Variants in PCCA observed in about 807,000 individuals in gnomAD.
PCCA encodes the protein propionyl-CoA carboxylase alpha chain, mitochondrial.
A neutral mutation model predicts 101.3 loss-of-function variants in PCCA; 74 were observed. The observed-to-expected ratio is 0.73, with a 90% CI of 0.61 to 0.89. PCCA has a LOEUF of 0.89. PCCA is among the 40% of genes least tolerant of loss of function. The pLI is 0.00. For synonymous variants in PCCA, 294 were observed against 313.6 expected (o/e 0.94, Z 0.66); for missense variants, 891 against 907.0 (o/e 0.98, Z 0.23).
At chr13:100,525,194 C>A (rs570139206) in intron 22 of PCCA, among the ~76,000 whole-genome samples, 1 of 152,154 alleles carries the variant, frequency 6.6e-6, no homozygotes, top group East Asian at 1.9e-4. Flanking sequence ...AAGATGGGAT[C>A]GCTTCAGTGG....
At chr13:100,092,936 A>G (rs1420163212) in intron 1 of PCCA, among the ~76,000 whole-genome samples, 3 of 152,240 alleles carry the variant, frequency 2.0e-5, no homozygotes, top group African/African-American at 7.2e-5. Context: ...AGACATTTAT[A>G]TATTTATACA....
rs533484464 is a variant in PCCA, at chr13:100,522,727, T to C, written c.2041-4948T>C. 2.6e-5 allele frequency among the ~76,000 whole-genome samples: 4 copies of C among 152,344 alleles called. No homozygotes were observed. The South Asian group carries it at 6.2e-4, about 24-fold the overall frequency. ...ACTCCCCGTCTGTTCCAAACAGACC[T>C]CAGCCCATTAGAAGGGCCTCCCTTG... On this transcript the variant is annotated intron_variant, in intron 22 of 23. Transcript: ENST00000376285.
At chr13:100,476,005 T>G (rs1450578156) in intron 21 of PCCA, among the ~76,000 whole-genome samples, 1 of 152,244 alleles carries the variant, frequency 6.6e-6, no homozygotes, top group Non-Finnish European at 1.5e-5. Flanking sequence ...ACATTTCAGT[T>G]AATATATATT....
chr13:100,153,365 T>C (rs2053563664), intron 4 of PCCA, among the ~76,000 whole-genome samples: 1 of 152,190 alleles, frequency 6.6e-6, no homozygotes, highest in Non-Finnish European at 1.5e-5. Flanking sequence ...TTAGAGGAGA[T>C]TCATCCTAAA....
intron 12 of PCCA, among the ~76,000 whole-genome samples, chr13:100,281,620 C>T (rs923249636): frequency 1.3e-5 from 2 of 152,144 alleles, no homozygotes; most frequent in African/African-American, 4.8e-5. Flanking sequence ...TAAGAGTCTA[C>T]AATGGAAAAG....
At chr13:100,380,615 A>G (rs939608223) in intron 19 of PCCA, among the ~76,000 whole-genome samples, 2 of 152,228 alleles carry the variant, frequency 1.3e-5, no homozygotes, top group Non-Finnish European at 2.9e-5. Context: ...ATGGTGTCGA[A>G]ACACCTGGGT....
intron 4 of PCCA, among the ~76,000 whole-genome samples, chr13:100,119,202 GGCCTT>G (rs2049121534): frequency 6.6e-6 from 1 of 151,694 alleles, no homozygotes. Flanking sequence ...ATGTATTTGA[GGCCTT>G]TAGTATATTT....
intron 8 of PCCA, among the ~76,000 whole-genome samples, chr13:100,244,962 T>TGC (rs60156533): frequency 0.22 from 31,268 of 142,864 alleles, 4,165 homozygotes; most frequent in East Asian, 0.5. Flanking sequence ...TGTGTGTGTG[T>TGC]GTGCGCAGTA....
intron 6 of PCCA, among the ~76,000 whole-genome samples, chr13:100,199,124 C>T (rs1250979891): frequency 1.3e-5 from 2 of 151,960 alleles, no homozygotes; most frequent in African/African-American, 4.8e-5. Context: ...CAAAAGAAAC[C>T]TATGGCTTAA....
At chr13:100,173,972 G>C (rs1004413063) in intron 6 of PCCA, among the ~76,000 whole-genome samples, 1 of 152,176 alleles carries the variant, frequency 6.6e-6, no homozygotes, top group African/African-American at 2.4e-5. Flanking sequence ...GCCATGTGGA[G>C]CTGTAAGTCA....
intron 18 of PCCA, among the ~76,000 whole-genome samples, chr13:100,345,851 C>G (rs375667655): frequency 6.6e-6 from 1 of 152,006 alleles, no homozygotes; most frequent in Non-Finnish European, 1.5e-5. Context: ...ACCCTAGGGT[C>G]TTTAAGAATT....
intron 22 of PCCA, among the ~76,000 whole-genome samples, chr13:100,523,733 A>C (rs2087491241): frequency 6.6e-6 from 1 of 152,228 alleles, no homozygotes; most frequent in African/African-American, 2.4e-5. Context: ...TCAGGCCTTC[A>C]AACTTTACAC....
At chr13:100,331,934 A>ATTTTTTTTTTTTTTTTTTTTTTTTTT (rs34411352) in intron 17 of PCCA, among the ~76,000 whole-genome samples, 1 of 89,768 alleles carries the variant, frequency 1.1e-5, no homozygotes, top group African/African-American at 4.6e-5. Flanking sequence ...ATTACTTTGG[A>ATTTTTTTTTTTTTTTTTTTTTTTTTT]TTTTTTTTTT....
intron 4 of PCCA, among the ~76,000 whole-genome samples, chr13:100,137,703 C>T (rs990612909): frequency 6.6e-6 from 1 of 152,030 alleles, no homozygotes; most frequent in African/African-American, 2.4e-5. Context: ...CATCATTTTA[C>T]CTTTAAACTA....
intron 16 of PCCA, among the ~76,000 whole-genome samples, chr13:100,324,811 A>G (rs1403043786): frequency 1.3e-5 from 2 of 152,200 alleles, no homozygotes; most frequent in Non-Finnish European, 2.9e-5. Context: ...GATGCTGATC[A>G]CCGCTGTGTG....
intron 6 of PCCA, among the ~76,000 whole-genome samples, chr13:100,159,250 CT>C (rs2054195454): frequency 1.3e-5 from 2 of 151,708 alleles, no homozygotes; most frequent in Admixed American, 1.3e-4. Context: ...ACCACCACGC[CT>C]GGCTAATTTT....
At chr13:100,252,278 C>G (rs1012862691) in intron 8 of PCCA, among the ~76,000 whole-genome samples, 40 of 152,108 alleles carry the variant, frequency 2.6e-4, no homozygotes, top group Non-Finnish European at 7.3e-5. Flanking sequence ...GAAACAAAGG[C>G]CTTGTAGTTA....
At chr13:100,250,338 C>T (rs556649101) in intron 8 of PCCA, among the ~76,000 whole-genome samples, 1 of 152,068 alleles carries the variant, frequency 6.6e-6, no homozygotes, top group East Asian at 1.9e-4. Context: ...CTTCTTTAGC[C>T]TGTTAATGTG....
chr13:100,457,799 G>A (rs539355675), intron 21 of PCCA, among the ~76,000 whole-genome samples: 1 of 152,276 alleles, frequency 6.6e-6, no homozygotes, highest in East Asian at 1.9e-4. Flanking sequence ...GTAGTGATGT[G>A]TGTCACTTTT....
Sources: gnomAD v4.1 joint callset for allele counts (sites outside exome capture counted in the v4.1 genomes callset) on GRCh38, gnomAD v4.1.1 for gene constraint, MANE v1.5 for transcripts, NCBI Gene and HGNC (gene_info 2026-07-23, HGNC 2026-07-21) for gene names.